The following CSMD3 variants were observed in gnomAD, a reference collection of about 807,000 sequenced individuals.
CSMD3 encodes the protein CUB and sushi domain-containing protein 3.
In CSMD3, 177 loss-of-function variants were observed where a neutral mutation model predicts 435.2. The ratio of observed to expected loss-of-function variants is 0.41; its 90% CI spans 0.36 to 0.46. CSMD3 has a LOEUF of 0.46. Among genes scored for constraint, CSMD3 ranks in the 20% least tolerant of loss-of-function variants. The probability of loss-of-function intolerance (pLI) is 0.34; values close to 1 mark genes in which losing one functional copy is unlikely to be tolerated. For synonymous variants in CSMD3, 1,656 were observed against 1,520.5 expected (o/e 1.09, Z -2.07); for missense variants, 4,265 against 4,504.6 (o/e 0.95, Z 1.52).
intron 13 of CSMD3, among the ~76,000 whole-genome samples, chr8:112,754,337 T>A (rs1339931081): frequency 6.6e-6 from 1 of 152,100 alleles, no homozygotes; most frequent in Admixed American, 6.6e-5. Flanking sequence ...TATACAAATC[T>A]CAAATTTTGC....
chr8:112,363,228 A>T (rs1259045836), intron 38 of CSMD3, among the ~76,000 whole-genome samples: 1 of 152,014 alleles, frequency 6.6e-6, no homozygotes, highest in Non-Finnish European at 1.5e-5. Context: ...AAAGAAGTGC[A>T]TGCATAATAC....
At chr8:113,327,637 C>G (rs2093993091) in intron 1 of CSMD3, among the ~76,000 whole-genome samples, 2 of 152,166 alleles carry the variant, frequency 1.3e-5, no homozygotes, top group African/African-American at 4.8e-5. Flanking sequence ...TTCCTTTCCC[C>G]TTGCCCAGAA....
At chr8:112,482,958 A>T (rs1032284578) in intron 31 of CSMD3, among the ~76,000 whole-genome samples, 6 of 152,174 alleles carry the variant, frequency 3.9e-5, no homozygotes, top group African/African-American at 1.4e-4. Flanking sequence ...AGATCTGTCA[A>T]ATCAAAGTTT....
At chr8:112,867,285 A>G (rs557827746) in intron 10 of CSMD3, among the ~76,000 whole-genome samples, 1 of 152,232 alleles carries the variant, frequency 6.6e-6, no homozygotes, top group South Asian at 2.1e-4. Flanking sequence ...TATTCTTACC[A>G]TCCATTCTTT....
intron 20 of CSMD3, among the ~76,000 whole-genome samples, chr8:112,642,134 T>C (rs1191937404): frequency 6.6e-6 from 1 of 152,132 alleles, no homozygotes; most frequent in Non-Finnish European, 1.5e-5. Flanking sequence ...AGCGTTAATA[T>C]CTAGGTTTTA....
At chr8:112,962,160 T>A (rs962683206) in intron 7 of CSMD3, among the ~76,000 whole-genome samples, 1 of 151,080 alleles carries the variant, frequency 6.6e-6, no homozygotes, top group African/African-American at 2.4e-5. Context: ...TTCTTGGGAC[T>A]TTTTTTTTCT....
At chr8:113,099,971 T>TTA (rs1310553782) in intron 4 of CSMD3, among the ~76,000 whole-genome samples, 4 of 152,096 alleles carry the variant, frequency 2.6e-5, no homozygotes, top group Non-Finnish European at 2.9e-5. Flanking sequence ...TAATGACCAA[T>TTA]TATTATTTGA....
intron 65 of CSMD3, among the ~76,000 whole-genome samples, chr8:112,242,683 G>T (rs890179268): frequency 6.6e-6 from 1 of 152,072 alleles, no homozygotes; most frequent in East Asian, 1.9e-4. Context: ...GAATACCAAA[G>T]GGAAACTATA....
chr8:113,342,492 A>C (rs1563723753), intron 1 of CSMD3, among the ~76,000 whole-genome samples: 1 of 152,178 alleles, frequency 6.6e-6, no homozygotes, highest in Admixed American at 6.6e-5. Context: ...AAATTGATTA[A>C]ATTGATCTGA....
chr8:113,054,914 C>T (rs1287171103), intron 5 of CSMD3, among the ~76,000 whole-genome samples: 1 of 152,110 alleles, frequency 6.6e-6, no homozygotes, highest in Non-Finnish European at 1.5e-5. Flanking sequence ...GTATAGGTCT[C>T]TCGTTCTCAC....
intron 59 of CSMD3, among the ~76,000 whole-genome samples, chr8:112,280,145 C>A (rs1418724480): frequency 4.6e-5 from 7 of 152,142 alleles, no homozygotes; most frequent in Admixed American, 4.6e-4. Flanking sequence ...ATTTGGTCAG[C>A]AAAAGTATAT....
chr8:112,711,131 T>C (rs1000674272), intron 13 of CSMD3, among the ~76,000 whole-genome samples: 2 of 152,146 alleles, frequency 1.3e-5, no homozygotes, highest in African/African-American at 4.8e-5. Context: ...GTAACTGATA[T>C]AAGTGCTTAC....
At chr8:112,711,080 T>C (rs185882090) in intron 13 of CSMD3, among the ~76,000 whole-genome samples, 1 of 152,080 alleles carries the variant, frequency 6.6e-6, no homozygotes, top group East Asian at 1.9e-4. Flanking sequence ...TTTCTTATTT[T>C]ATAGTAGAGT....
intron 1 of CSMD3, among the ~76,000 whole-genome samples, chr8:113,415,128 T>C (rs775000569): frequency 6.6e-5 from 10 of 152,186 alleles, no homozygotes; most frequent in Non-Finnish European, 2.9e-5. Context: ...AATTGTAATT[T>C]GCTGCCTCTG....
At chr8:112,683,490 TCA>T in intron 15 of CSMD3, among the ~76,000 whole-genome samples, 1 of 152,054 alleles carries the variant, frequency 6.6e-6, no homozygotes, top group Non-Finnish European at 1.5e-5. Flanking sequence ...CTTGTTTGTC[TCA>T]CAGTTTATAT....
chr8:113,164,626 G>A (rs2092114554), intron 4 of CSMD3, among the ~76,000 whole-genome samples: 1 of 152,000 alleles, frequency 6.6e-6, no homozygotes, highest in African/African-American at 2.4e-5. Context: ...AAAAATTAGA[G>A]TTTTTGAAGG....
chr8:112,700,611 G>A (rs1278713126), intron 13 of CSMD3, among the ~76,000 whole-genome samples: 1 of 152,140 alleles, frequency 6.6e-6, no homozygotes, highest in Non-Finnish European at 1.5e-5. Context: ...TATGACAGAA[G>A]TGACACTCAT....
chr8:112,713,125 G>C (rs1161152600), intron 13 of CSMD3, among the ~76,000 whole-genome samples: 1 of 152,012 alleles, frequency 6.6e-6, no homozygotes, highest in African/African-American at 2.4e-5. Context: ...TGGTGCAGCA[G>C]CCCACCTGAG....
intron 4 of CSMD3, among the ~76,000 whole-genome samples, chr8:113,112,276 C>A (rs1367734988): frequency 1.3e-5 from 2 of 149,800 alleles, no homozygotes; most frequent in Non-Finnish European, 3.0e-5. Context: ...AGGTTGGATA[C>A]CAAGAATTGA....
Sources: gnomAD v4.1 joint callset for allele counts (sites outside exome capture counted in the v4.1 genomes callset) on GRCh38, gnomAD v4.1.1 for gene constraint, MANE v1.5 for transcripts, NCBI Gene and HGNC (gene_info 2026-07-23, HGNC 2026-07-21) for gene names.